The following DNAH8 variants were observed in gnomAD, a reference collection of about 807,000 sequenced individuals.
DNAH8 encodes axonemal beta dynein heavy chain 8.
In DNAH8, 382 loss-of-function variants were observed where a neutral mutation model predicts 562.1. That is an observed-to-expected ratio of 0.68 (90% CI 0.63 to 0.74). The LOEUF is 0.74. DNAH8 is among the 30% of genes least tolerant of loss of function. DNAH8 has a pLI of 0.00. For synonymous variants in DNAH8, 1,881 were observed against 1,919.4 expected (o/e 0.98, Z 0.52); for missense variants, 5,203 against 5,620.4 (o/e 0.93, Z 2.37).
intron 24 of DNAH8, 117 bp downstream of exon 24, chr6:38,807,833 G>T (rs1771431006): frequency 2.2e-6 from 1 of 456,146 alleles, no homozygotes. Flanking sequence ...TTCATTAAAA[G>T]ACTGTATGAA....
chr6:38,972,845 G>A (rs953051245), intron 83 of DNAH8, among the ~76,000 whole-genome samples: 1 of 152,176 alleles, frequency 6.6e-6, no homozygotes. Context: ...AATCCTGAAT[G>A]CTGTTTTCCT....
chr6:38,738,653 G>T (rs758184534), intron 7 of DNAH8, among the ~76,000 whole-genome samples: 3 of 152,178 alleles, frequency 2.0e-5, no homozygotes, highest in Non-Finnish European at 4.4e-5. Context: ...GTTATGTGAG[G>T]ATCAAGGGGA....
At chr6:39,019,051 T>G (rs1023539046) in intron 91 of DNAH8, among the ~76,000 whole-genome samples, 1 of 152,142 alleles carries the variant, frequency 6.6e-6, no homozygotes, top group Non-Finnish European at 1.5e-5. Context: ...AAAGTTTTCT[T>G]TCTTTCTCTT....
In DNAH8 at chr6:38,911,450, T is replaced by G; in HGVS notation, c.9741-18T>G. 2.6e-6 allele frequency: 4 copies of G among 1,558,678 alleles called. No homozygotes were observed. The highest frequency in any genetic ancestry group is 3.5e-6 in the Non-Finnish European group (4 of 1,129,640). On this transcript the variant is annotated intron_variant, in intron 65 of 92. Coordinates refer to ENST00000327475, the MANE Select transcript of DNAH8 (RefSeq NM_001206927.2). ...ACGCACAATGATTGAAATGGTCCTTTTAATGTTCTGCTTTCAGATACCGCC... is the reference window on the plus strand; with the variant it reads ...ACGCACAATGATTGAAATGGTCCTTGTAATGTTCTGCTTTCAGATACCGCC...
At chr6:38,744,752 C>G (rs958898890) in intron 8 of DNAH8, among the ~76,000 whole-genome samples, 1 of 152,062 alleles carries the variant, frequency 6.6e-6, no homozygotes, top group Non-Finnish European at 1.5e-5. Context: ...GCCAATGTGC[C>G]TAACTAATTT....
intron 66 of DNAH8, among the ~76,000 whole-genome samples, chr6:38,913,480 A>T (rs985339730): frequency 2.6e-5 from 4 of 152,220 alleles, no homozygotes; most frequent in Non-Finnish European, 5.9e-5. Context: ...TTGCCACCTC[A>T]GCTGCAATAT....
chr6:38,734,951 AAAG>A (rs772641899), intron 5 of DNAH8, among the ~76,000 whole-genome samples: 9 of 152,210 alleles, frequency 5.9e-5, no homozygotes, highest in Non-Finnish European at 1.0e-4. Flanking sequence ...TATAGTTTTA[AAAG>A]AAGAAGGGAG....
chr6:38,945,698 C>T, intron 80 of DNAH8, 110 bp downstream of exon 80: 1 of 1,447,650 alleles, frequency 6.9e-7, no homozygotes, highest in East Asian at 2.3e-5. Flanking sequence ...AAAAGTCAAC[C>T]CAATAGTTTG....
chr6:38,874,016 CTT>C (rs1777700673), intron 52 of DNAH8, among the ~76,000 whole-genome samples: 1 of 130,292 alleles, frequency 7.7e-6, no homozygotes, highest in Non-Finnish European at 1.6e-5. Flanking sequence ...TTCCTTTCCT[CTT>C]TCTTTCCCTT....
chr6:38,780,618 C>T (rs567081096), intron 15 of DNAH8, among the ~76,000 whole-genome samples: 2 of 152,230 alleles, frequency 1.3e-5, no homozygotes, highest in East Asian at 3.9e-4. Context: ...CATGTTCTCA[C>T]TTATAAGTGG....
rs367945482 is a variant in DNAH8 at position 38,896,079 on chromosome 6, C to T, written c.8794C>T (p.Arg2932Cys). 38 of 1,613,802 alleles carry T rather than the reference C, an allele frequency of 2.4e-5. No individual in the cohort carries two copies. Among genetic ancestry groups the T allele is most frequent in the South Asian group, 3.3e-5 (3 of 91,056 alleles). Residue 2932 changes from arginine (R) to cysteine (C), a missense_variant, in exon 60 of 93, where the codon CGT becomes TGT. Physicochemically the swap from Arg to Cys is radical, Grantham distance 180. Around this residue, in one of 6 missense-constraint regions of DNAH8, gnomAD observed 977 missense variants for 1,061.8 expected, o/e 0.92. Transcript: ENST00000327475. ...DEQWFNAHLT[R>C]AVEENIGSDA... is the part of the protein sequence containing the mutation. Reference sequence around the variant, plus strand: ...GCAGTGGTTTAATGCACATCTTACTCGTGCAGTTGAAGAAAATATTGGCTC... The same window carrying T: ...GCAGTGGTTTAATGCACATCTTACTTGTGCAGTTGAAGAAAATATTGGCTC...
At chr6:39,025,638 G>C (rs568957996) in intron 91 of DNAH8, among the ~76,000 whole-genome samples, 1 of 152,232 alleles carries the variant, frequency 6.6e-6, no homozygotes, top group East Asian at 1.9e-4. Flanking sequence ...ATTCAAACCT[G>C]ATAAAATGTT....
At chr6:38,975,786 G>A (rs1763628294) in intron 85 of DNAH8, among the ~76,000 whole-genome samples, 2 of 152,246 alleles carry the variant, frequency 1.3e-5, no homozygotes, top group Admixed American at 6.5e-5. Flanking sequence ...TACAAATATT[G>A]CTTTAACTCT....
chr6:38,992,258 G>A (rs9394565), intron 88 of DNAH8, among the ~76,000 whole-genome samples: 61,765 of 151,942 alleles, frequency 0.41, 12,928 homozygotes, highest in East Asian at 0.59. Flanking sequence ...GTGAGCCACC[G>A]CACCCAGCCT....
chr6:38,775,830 C>A lies in DNAH8; in HGVS notation c.1841C>A (p.Ala614Glu). The A allele has an allele frequency of 6.3e-7, 1 of 1,599,390 alleles. No homozygotes were observed. The highest frequency in any genetic ancestry group is 1.7e-4 in the Middle Eastern group (1 of 6,006). The part of the protein sequence containing the change: ...NSTIEGIDIM[A>E]IKFRNIYQGV... ...ACCATAGAAGGAATAGATATTATGG[C>A]AATAAAATTCAGAAATATATACCAA... is the stretch of plus-strand genomic sequence containing the variant. The change falls in exon 13 of 93, where the codon GCA becomes GAA. Residue 614 changes from alanine (A) to glutamate (E), a missense_variant. By Grantham distance (107) the Ala-to-Glu change is moderately radical. Coordinates refer to ENST00000327475, the MANE Select transcript of DNAH8 (RefSeq NM_001206927.2).
intron 12 of DNAH8, 83 bp from the exon 13 acceptor site, chr6:38,775,671 A>T (rs917540835): frequency 6.0e-6 from 5 of 829,352 alleles, no homozygotes; most frequent in African/African-American, 1.7e-5. Flanking sequence ...TGTGTTTTAT[A>T]TCAATGATTC....
chr6:38,804,901 G>A (rs1478970291), intron 22 of DNAH8, among the ~76,000 whole-genome samples: 2 of 131,896 alleles, frequency 1.5e-5, no homozygotes, highest in African/African-American at 2.8e-5. Flanking sequence ...CACAGTGTGT[G>A]TGTGTGTTGG....
At chr6:38,783,772 G>A (rs1032127410) in intron 17 of DNAH8, among the ~76,000 whole-genome samples, 16 of 152,134 alleles carry the variant, frequency 1.1e-4, no homozygotes, top group African/African-American at 3.9e-4. Flanking sequence ...TCAGATTCCT[G>A]CTTTGTCTCA....
In DNAH8 at chr6:38,976,376, A is replaced by G. The variant is rs536847247; in HGVS notation, c.12834+1847A>G. Among the ~76,000 whole-genome samples the G allele has an allele frequency of 3.3e-5, 5 of 152,286 alleles. No individual in the cohort carries two copies. In the East Asian group the frequency reaches 9.6e-4, roughly 29 times the overall value. On this transcript the variant is annotated intron_variant, in intron 85 of 92. Transcript: ENST00000327475. ...TAGGTAATTCTTTTTCATCAATTTC[A>G]GAAGTGTTTACTGTGATATTTCCAA...
Sources: gnomAD v4.1 joint callset for allele counts (sites outside exome capture counted in the v4.1 genomes callset) on GRCh38, gnomAD v4.1.1 for gene constraint, gnomAD v4.1.1 regional missense constraint, MANE v1.5 for transcripts, NCBI Gene and HGNC (gene_info 2026-07-23, HGNC 2026-07-21) for gene names.